Variants in VTCN1 observed in about 807,000 individuals in gnomAD.
The protein encoded by VTCN1 is V-set domain containing T cell activation inhibitor 1.
In VTCN1, 26 loss-of-function variants were observed where a neutral mutation model predicts 26.5. The ratio of observed to expected loss-of-function variants is 0.98; its 90% confidence interval spans 0.72 to 1.36. The LOEUF is 1.36. VTCN1 is among the 40% of genes most tolerant of loss of function. VTCN1 has a pLI of 0.00. For synonymous variants in VTCN1, 116 were observed against 130.7 expected (o/e 0.89, Z 0.77); for missense variants, 298 against 337.7 (o/e 0.88, Z 0.92).
At chr1:117,198,955 G>A (rs1648657777) in intron 1 of VTCN1, among the ~76,000 whole-genome samples, 1 of 152,110 alleles carries the variant, frequency 6.6e-6, no homozygotes, top group Non-Finnish European at 1.5e-5. Flanking sequence ...AATATGGGAG[G>A]GCATTCCTGG....
At chr1:117,204,697 T>C (rs751792315) in intron 1 of VTCN1, among the ~76,000 whole-genome samples, 48 of 152,052 alleles carry the variant, frequency 3.2e-4, no homozygotes, top group Non-Finnish European at 5.7e-4. Context: ...AAACCTCGTC[T>C]CTACTAAAAA....
chr1:117,150,970 G>T (rs748033028), intron 4 of VTCN1, among the ~76,000 whole-genome samples: 3 of 152,062 alleles, frequency 2.0e-5, no homozygotes, highest in Non-Finnish European at 4.4e-5. Flanking sequence ...GAGCCTGAAT[G>T]GTATTCTATT....
At position 117,144,066 on chromosome 1, in the gene VTCN1, A is replaced by ATC. The variant is rs1204136199; in HGVS notation, c.*1204_*1205insGA. 6.6e-6 allele frequency: 1 copy of ATC among 152,242 alleles called. No homozygotes were observed. The highest frequency in any genetic ancestry group is 1.5e-5 in the Non-Finnish European group (1 of 68,060). The allele number at this position is 152,242 out of a possible 1,614,324, so 9.4% of individuals were successfully genotyped here. A position where few individuals can be genotyped will look rare whatever the true frequency, so the allele number is the denominator to read the frequency against. On this transcript the variant is annotated 3_prime_UTR_variant, in exon 6 of 6. Transcript: ENST00000369458. Reference sequence around the variant, plus strand: ...GAGAGATGTTATCCTGGTGCCCGATAGAGTTCTGGCTCTCTGTGCTGAGGC... The same window carrying ATC: ...GAGAGATGTTATCCTGGTGCCCGATATCGAGTTCTGGCTCTCTGTGCTGAGGC...
rs1176446841 is a variant in VTCN1, at chr1:117,183,086, T to C, written c.33-12915A>G. On this transcript the variant is annotated intron_variant, in intron 1 of 5. Coordinates refer to ENST00000369458, the MANE Select transcript of VTCN1 (RefSeq NM_024626.4). The surrounding 1 kb of genome is among the most constrained non-coding windows in gnomAD (Gnocchi z 4.1). ...GAAAGCGAAGAAAGCATACTAAACC[T>C]GAAAGTTTGAATAAAAATATAAGCT... Among the ~76,000 whole-genome samples the C allele has an allele frequency of 1.3e-5, 2 of 152,188 alleles. No individual in the cohort carries two copies. The highest frequency in any genetic ancestry group is 2.9e-5 in the Non-Finnish European group (2 of 68,046).
chr1:117,206,090 A>C (rs538090791), intron 1 of VTCN1, among the ~76,000 whole-genome samples: 1 of 152,248 alleles, frequency 6.6e-6, no homozygotes, highest in East Asian at 1.9e-4. Context: ...TCAGGTTTAG[A>C]GAAGGATTGT....
chr1:117,209,774 G>A (rs940469338), intron 1 of VTCN1, among the ~76,000 whole-genome samples: 5 of 152,182 alleles, frequency 3.3e-5, no homozygotes, highest in South Asian at 2.1e-4. Context: ...TCTGCTACCC[G>A]GCAGGTGATT....
intron 2 of VTCN1, among the ~76,000 whole-genome samples, chr1:117,162,716 G>A (rs1420674350): frequency 6.6e-6 from 1 of 152,200 alleles, no homozygotes; most frequent in Non-Finnish European, 1.5e-5. Context: ...GTCTGCATGA[G>A]GAAAGTGGGG....
intron 1 of VTCN1, among the ~76,000 whole-genome samples, chr1:117,182,151 A>G (rs1647702664): frequency 6.6e-6 from 1 of 152,130 alleles, no homozygotes; most frequent in South Asian, 2.1e-4. Context: ...GAAAGCCCAT[A>G]CACCTGTCTT....
intron 2 of VTCN1, among the ~76,000 whole-genome samples, chr1:117,162,517 A>C (rs780139619): frequency 2.0e-5 from 3 of 152,186 alleles, no homozygotes; most frequent in Non-Finnish European, 4.4e-5. Context: ...GTCAAAGGAC[A>C]AAAGGACCCC....
intron 2 of VTCN1, among the ~76,000 whole-genome samples, chr1:117,166,100 A>C (rs900578225): frequency 6.6e-6 from 1 of 152,172 alleles, no homozygotes; most frequent in African/African-American, 2.4e-5. Context: ...ACTTCCATCT[A>C]TTCACACCTC....
At position 117,209,938 on chromosome 1, in the gene VTCN1, C is replaced by T. The variant is rs142286552; in HGVS notation, c.32+886G>A. ...ATTCCTTTCCTCTCTCCTTCCCTCTCTTCTTTTCTTCCTTTTGTGGGAAAA... is the reference window on the plus strand; with the variant it reads ...ATTCCTTTCCTCTCTCCTTCCCTCTTTTCTTTTCTTCCTTTTGTGGGAAAA... On this transcript the variant is annotated intron_variant, in intron 1 of 5. Transcript: ENST00000369458. 8.3e-4 allele frequency among the ~76,000 whole-genome samples: 127 copies of T among 152,344 alleles called. 1 individual carries two copies. Among genetic ancestry groups the T allele is most frequent in the African/African-American group, 2.3e-3 (95 of 41,574 alleles).
intron 2 of VTCN1, among the ~76,000 whole-genome samples, chr1:117,164,394 C>T (rs1266375980): frequency 1.3e-5 from 2 of 152,104 alleles, no homozygotes; most frequent in South Asian, 2.1e-4. Flanking sequence ...ACACATGTTA[C>T]AGTTCCAGGT....
chr1:117,184,831 AG>A (rs1647859201), intron 1 of VTCN1, among the ~76,000 whole-genome samples: 1 of 152,194 alleles, frequency 6.6e-6, no homozygotes, highest in African/African-American at 2.4e-5. Flanking sequence ...TCAAGGCCAA[AG>A]GGGTGAAGGA....
In VTCN1 at chr1:117,153,098, T is replaced by G; in HGVS notation, c.717A>C (p.Lys239Asn). 1 of 1,604,944 alleles carries G rather than the reference T, an allele frequency of 6.2e-7. No homozygotes were observed. Among genetic ancestry groups the G allele is most frequent in the Non-Finnish European group, 8.5e-7 (1 of 1,173,374 alleles). ...NDIAKATGDI[K>N]VTESEIKRRS... ...AAGCATGCAGGAACCCACCTGTCAC[T>G]TTGATATCCCCTGTTGCTTTGGCAA... is the stretch of plus-strand genomic sequence containing the variant. The change falls in exon 4 of 6, where the codon AAA becomes AAC. Residue 239 changes from lysine to asparagine, a missense_variant. Transcript: ENST00000369458.
chr1:117,175,222 G>A lies in VTCN1; in HGVS notation c.33-5051C>T, dbSNP rs986934474. 2.6e-5 allele frequency among the ~76,000 whole-genome samples: 4 copies of A among 152,190 alleles called. No individual in the cohort carries two copies. Among genetic ancestry groups the A allele is most frequent in the Non-Finnish European group, 5.9e-5 (4 of 68,026 alleles). On this transcript the variant is annotated intron_variant, in intron 1 of 5. Coordinates refer to ENST00000369458, the MANE Select transcript of VTCN1 (RefSeq NM_024626.4). The surrounding 1 kb of genome is among the most constrained non-coding windows in gnomAD (Gnocchi z 4.2). The stretch of plus-strand genomic sequence containing the variant: ...AAATAGGCTTAAAGGCAGAGCGCTC[G>A]AAACCTATGCGACTTTGTAATTAGT...
At chr1:117,196,681 C>T (rs965228853) in intron 1 of VTCN1, among the ~76,000 whole-genome samples, 3 of 151,920 alleles carry the variant, frequency 2.0e-5, no homozygotes, top group African/African-American at 7.3e-5. Context: ...AAGCTGGTAA[C>T]TTAAATACTT....
At chr1:117,195,352 C>T (rs1018763163) in intron 1 of VTCN1, among the ~76,000 whole-genome samples, 1 of 151,652 alleles carries the variant, frequency 6.6e-6, no homozygotes, top group Middle Eastern at 3.4e-3. Flanking sequence ...TAAGTGTCTT[C>T]ACTGCAAACA....
At chr1:117,170,030 C>A in intron 2 of VTCN1, 77 bp downstream of exon 2, 2 of 1,382,768 alleles carry the variant, frequency 1.4e-6, no homozygotes, top group Non-Finnish European at 2.1e-6. Flanking sequence ...TGGGCTCTTT[C>A]CATGCTAACG....
intron 1 of VTCN1, among the ~76,000 whole-genome samples, chr1:117,189,915 T>C (rs1280330060): frequency 7.5e-6 from 1 of 133,320 alleles, no homozygotes; most frequent in Non-Finnish European, 1.6e-5. Context: ...AAGACCAAGG[T>C]AGGCTCATGC....
Sources: gnomAD v4.1 joint callset for allele counts (sites outside exome capture counted in the v4.1 genomes callset) on GRCh38, gnomAD v4.1.1 for gene constraint, Gnocchi (gnomAD v3.1) non-coding constraint, MANE v1.5 for transcripts, NCBI Gene and HGNC (gene_info 2026-07-23, HGNC 2026-07-21) for gene names.